PRIM2: variants seen among roughly 807,000 people sequenced by gnomAD.
PRIM2 encodes DNA primase subunit 2.
In PRIM2, 39 loss-of-function variants were observed where a neutral mutation model predicts 67.3. The ratio of observed to expected loss-of-function variants is 0.58; its 90% CI spans 0.45 to 0.76. The LOEUF (loss-of-function observed/expected upper bound fraction) is 0.76. Ranked by LOEUF, PRIM2 falls within the 30% of genes least tolerant of loss-of-function variation. PRIM2 has a pLI of 0.00. For synonymous variants in PRIM2, 143 were observed against 198.7 expected (o/e 0.72, Z 2.36); for missense variants, 398 against 598.7 (o/e 0.66, Z 3.50).
intron 8 of PRIM2, among the ~76,000 whole-genome samples, chr6:57,530,546 C>T (rs1774864681): frequency 6.6e-6 from 1 of 152,128 alleles, no homozygotes; most frequent in Admixed American, 6.5e-5. Context: ...TTTCCTGAAT[C>T]TGCTTCTTCT....
chr6:57,266,009 A>C, the PRIM2 span, among the ~76,000 whole-genome samples: 40 of 152,336 alleles, frequency 2.6e-4, no homozygotes, highest in Non-Finnish European at 4.9e-4. Flanking sequence ...TAAGAAAAGG[A>C]GAATGAAAAA....
intron 7 of PRIM2, among the ~76,000 whole-genome samples, chr6:57,488,114 C>A (rs1160309120): frequency 1.3e-4 from 20 of 152,178 alleles, no homozygotes; most frequent in African/African-American, 4.8e-4. Context: ...TCAACTCAGG[C>A]TTACATCATT....
At chr6:57,335,304 C>G (rs1242657707) in intron 5 of PRIM2, among the ~76,000 whole-genome samples, 3 of 152,274 alleles carry the variant, frequency 2.0e-5, no homozygotes, top group Non-Finnish European at 4.4e-5. Context: ...CGCCATTGCC[C>G]AGGCTTGCTT....
At chr6:57,540,626 A>G (rs1775128031) in intron 10 of PRIM2, among the ~76,000 whole-genome samples, 1 of 152,212 alleles carries the variant, frequency 6.6e-6, no homozygotes, top group African/African-American at 2.4e-5. Flanking sequence ...TAAAATATAT[A>G]CTAGTCTTAT....
At chr6:57,417,723 G>A (rs1470271357) in intron 7 of PRIM2, among the ~76,000 whole-genome samples, 1 of 152,180 alleles carries the variant, frequency 6.6e-6, no homozygotes, top group African/African-American at 2.4e-5. Context: ...TAATGAAAAA[G>A]TTTGAGTTAT....
At chr6:57,594,127 C>A (rs1438233669) in intron 10 of PRIM2, among the ~76,000 whole-genome samples, 5 of 152,186 alleles carry the variant, frequency 3.3e-5, no homozygotes, top group African/African-American at 1.2e-4. Context: ...ATTTTAATGT[C>A]TTTGTTTTCA....
the PRIM2 span, among the ~76,000 whole-genome samples, chr6:57,257,669 T>C: frequency 0.23 from 35,363 of 152,124 alleles, 5,757 homozygotes; most frequent in African/African-American, 0.46. Context: ...GGGGCAAGAC[T>C]GAAACCTAGC....
chr6:57,237,022 G>C, the PRIM2 span, among the ~76,000 whole-genome samples: 142,636 of 151,968 alleles, frequency 0.94, 66,960 homozygotes, highest in South Asian at 0.99. Context: ...CTAGTTTACA[G>C]TCCCACCAAG....
At chr6:57,326,893 C>CT (rs70989764) in intron 5 of PRIM2, among the ~76,000 whole-genome samples, 1,829 of 131,278 alleles carry the variant, frequency 0.014, 146 homozygotes, top group African/African-American at 0.046. Context: ...GAATTTGTAT[C>CT]TTTTTTTTTT....
At chr6:57,599,453 C>G (rs1776423556) in intron 10 of PRIM2, among the ~76,000 whole-genome samples, 1 of 151,428 alleles carries the variant, frequency 6.6e-6, no homozygotes, top group Non-Finnish European at 1.5e-5. Flanking sequence ...ATTTTGTGGT[C>G]CAAAATCAGA....
At chr6:57,250,401 T>C in the PRIM2 span, among the ~76,000 whole-genome samples, 1 of 152,194 alleles carries the variant, frequency 6.6e-6, no homozygotes. Context: ...ATGATACTTA[T>C]AATCCAAGGG....
intron 13 of PRIM2, among the ~76,000 whole-genome samples, chr6:57,639,027 T>C (rs1488201656): frequency 1.3e-5 from 2 of 152,114 alleles, no homozygotes; most frequent in African/African-American, 4.8e-5. Flanking sequence ...CCTCAGCATA[T>C]GCAAAAGAAT....
chr6:57,312,967 C>T (rs1005092208), upstream of PRIM2, among the ~76,000 whole-genome samples: 3 of 152,094 alleles, frequency 2.0e-5, no homozygotes, highest in African/African-American at 7.2e-5. Context: ...TTGATTTGTA[C>T]GGTGGATCTG....
intron 7 of PRIM2, among the ~76,000 whole-genome samples, chr6:57,408,120 T>C (rs1354773113): frequency 6.6e-6 from 1 of 152,252 alleles, no homozygotes; most frequent in Non-Finnish European, 1.5e-5. Flanking sequence ...TGAGCATAAA[T>C]GTGCCAATCA....
intron 7 of PRIM2, among the ~76,000 whole-genome samples, chr6:57,439,670 C>T (rs1426855605): frequency 6.6e-6 from 1 of 151,998 alleles, no homozygotes; most frequent in African/African-American, 2.4e-5. Flanking sequence ...CCTCCTTGGC[C>T]TCCCGAAGTG....
intron 7 of PRIM2, among the ~76,000 whole-genome samples, chr6:57,484,714 T>C (rs2127406892): frequency 6.6e-6 from 1 of 152,318 alleles, no homozygotes; most frequent in East Asian, 1.9e-4. Context: ...ATTTGCTTTT[T>C]CTTCATCCTT....
intron 10 of PRIM2, among the ~76,000 whole-genome samples, chr6:57,568,156 G>T (rs1188824028): frequency 6.6e-6 from 1 of 151,996 alleles, no homozygotes; most frequent in Admixed American, 6.5e-5. Context: ...TTAAAAATTT[G>T]CCCAGTATTT....
intron 7 of PRIM2, among the ~76,000 whole-genome samples, chr6:57,493,317 T>C (rs1185624194): frequency 2.0e-5 from 3 of 152,248 alleles, no homozygotes; most frequent in Non-Finnish European, 4.4e-5. Context: ...GTTTACTATA[T>C]GTCTTTAACC....
At chr6:57,497,656 T>C (rs1774035089) in intron 7 of PRIM2, 1 of 152,226 alleles carries the variant, frequency 6.6e-6, no homozygotes, top group Non-Finnish European at 1.5e-5. Context: ...ACAAGGTCGT[T>C]GGTTGCTTTT....
Sources: allele counts gnomAD v4.1 joint callset (sites outside exome capture counted in the v4.1 genomes callset), GRCh38; gene constraint gnomAD v4.1.1; transcripts MANE v1.5; gene names NCBI Gene and HGNC (gene_info 2026-07-23, HGNC 2026-07-21).